ZNF616: variants seen among roughly 807,000 people sequenced by gnomAD.
ZNF616 encodes the protein zinc finger protein 616.
ZNF616 carries 5 observed loss-of-function variants against 7.6 expected under a neutral mutation model. The ratio of observed to expected loss-of-function variants is 0.66; its 90% confidence interval spans 0.34 to 1.38. The LOEUF (loss-of-function observed/expected upper bound fraction) is 1.38, where lower values mean the gene tolerates loss of function less well. ZNF616 is among the 40% of genes most tolerant of loss of function. The probability of loss-of-function intolerance (pLI) is 0.04; values close to 1 mark genes in which losing one functional copy is unlikely to be tolerated. For synonymous variants in ZNF616, 319 were observed against 317.2 expected (o/e 1.01, Z -0.06); for missense variants, 913 against 948.3 (o/e 0.96, Z 0.49).
chr19:52,136,763 AT>A (rs1397410546), intron 1 of ZNF616, among the ~76,000 whole-genome samples: 7 of 152,268 alleles, frequency 4.6e-5, no homozygotes, highest in Non-Finnish European at 1.0e-4. Flanking sequence ...TCCAATCAGT[AT>A]GTTTAAGAGA....
intron 1 of ZNF616, among the ~76,000 whole-genome samples, chr19:52,134,650 G>T (rs149059448): frequency 1.4e-3 from 208 of 152,306 alleles, no homozygotes; most frequent in African/African-American, 4.5e-3. Context: ...GTCTGCTGGA[G>T]AATTTTTTAG....
chr19:52,121,456 T>A (rs568949332), intron 3 of ZNF616, among the ~76,000 whole-genome samples: 1 of 152,276 alleles, frequency 6.6e-6, no homozygotes, highest in Non-Finnish European at 1.5e-5. Flanking sequence ...AGGGAAATGA[T>A]AAAATATCTC....
intron 1 of ZNF616, among the ~76,000 whole-genome samples, chr19:52,135,676 T>C (rs530557417): frequency 6.6e-6 from 1 of 150,584 alleles, no homozygotes; most frequent in South Asian, 2.2e-4. Context: ...CCTTGAACAA[T>C]ACAGCTTTGG....
chr19:52,115,954 T>A lies in ZNF616; in HGVS notation c.1210A>T (p.Thr404Ser). The A allele has an allele frequency of 6.2e-7, 1 of 1,614,202 alleles. No individual in the cohort carries two copies. The highest frequency in any genetic ancestry group is 2.2e-5 in the East Asian group (1 of 44,886). ...TTGCATTTGCAAGGTTTCTCTACAG[T>A]GTGAATTCGTCGATGCACTGCAAGA... The part of the protein sequence containing the change: ...SSLAVHRRIH[T>S]VEKPCKCNEC... The change falls in exon 4 of 4, where the codon ACT becomes TCT. Residue 404 changes from threonine (T) to serine (S), a missense_variant. Coordinates refer to ENST00000600228, the MANE Select transcript of ZNF616 (RefSeq NM_178523.5).
chr19:52,130,795 A>T (rs934452645), intron 1 of ZNF616, among the ~76,000 whole-genome samples: 1 of 152,230 alleles, frequency 6.6e-6, no homozygotes, highest in Non-Finnish European at 1.5e-5. Flanking sequence ...AGAAGCCCAC[A>T]CACAGGCTGC....
chr19:52,136,308 C>A (rs575196908), intron 1 of ZNF616, among the ~76,000 whole-genome samples: 1 of 152,120 alleles, frequency 6.6e-6, no homozygotes, highest in South Asian at 2.1e-4. Context: ...TGGTGAAACC[C>A]CCGTCTCTAC....
intron 1 of ZNF616, chr19:52,138,376 A>G (rs574712967): frequency 6.6e-6 from 1 of 152,314 alleles, no homozygotes; most frequent in Admixed American, 6.5e-5. Context: ...CATCCTCATG[A>G]GTACAATTTA....
At chr19:52,128,966 T>C (rs2088933993) in intron 2 of ZNF616, among the ~76,000 whole-genome samples, 1 of 151,800 alleles carries the variant, frequency 6.6e-6, no homozygotes, top group Admixed American at 6.6e-5. Context: ...AGCATGAATT[T>C]CATATATAAT....
chr19:52,114,733 A>C lies in ZNF616; in HGVS notation c.*85T>G. 1 of 1,459,830 alleles carries C rather than the reference A, an allele frequency of 6.9e-7. No homozygotes were observed. The highest frequency in any genetic ancestry group is 9.2e-7 in the Non-Finnish European group (1 of 1,090,812). The allele number at this position is 1,459,830 out of a possible 1,614,324, so 90.4% of individuals were successfully genotyped here. A position where few individuals can be genotyped will look rare whatever the true frequency, so the allele number is the denominator to read the frequency against. Reference sequence around the variant, plus strand: ...CTCCAATACTGGAGATTACAATTCCACAGGGATTTCAAGAGAAGGGGTAAA... The same window carrying C: ...CTCCAATACTGGAGATTACAATTCCCCAGGGATTTCAAGAGAAGGGGTAAA... On this transcript the variant is annotated 3_prime_UTR_variant, in exon 4 of 4. Coordinates refer to ENST00000600228, the MANE Select transcript of ZNF616 (RefSeq NM_178523.5).
At position 52,113,773 on chromosome 19, in the gene ZNF616, C is replaced by T. The variant is rs1445154206; in HGVS notation, c.*1045G>A. ...TAATGGCTTCCAGCTCCATCCACAT[C>T]GCTGCAATGGACATGATCTCATTCC... On this transcript the variant is annotated 3_prime_UTR_variant, in exon 4 of 4. Coordinates refer to ENST00000600228, the MANE Select transcript of ZNF616 (RefSeq NM_178523.5). The T allele has an allele frequency of 7.2e-5, 11 of 152,234 alleles. No homozygotes were observed. The South Asian group carries it at 1.9e-3, about 26-fold the overall frequency. The allele number at this position is 152,234 out of a possible 1,614,324, so 9.4% of individuals were successfully genotyped here.
chr19:52,127,457 ATTATG>A (rs1464080510), intron 2 of ZNF616, among the ~76,000 whole-genome samples: 1 of 152,232 alleles, frequency 6.6e-6, no homozygotes, highest in Non-Finnish European at 1.5e-5. Flanking sequence ...TTGTGAACCT[ATTATG>A]TTATTTATAA....
rs368984649 is a variant in ZNF616, at chr19:52,114,852, C to T, written c.2312G>A (p.Ser771Asn). The change falls in exon 4 of 4, where the codon AGC becomes AAC. Residue 771 changes from serine to asparagine, a missense_variant. Transcript: ENST00000600228. ...TKHRIRHTGE[S>N]LTTKLNVTRP ...TGTCACATTGAGTTTAGTTGTAAGGCTCTCTCCAGTATGTCTTATTCGATG... is the reference window on the plus strand; with the variant it reads ...TGTCACATTGAGTTTAGTTGTAAGGTTCTCTCCAGTATGTCTTATTCGATG... 15 of 1,599,078 alleles carry T rather than the reference C, an allele frequency of 9.4e-6. No individual in the cohort carries two copies. Among genetic ancestry groups the T allele is most frequent in the African/African-American group, 2.7e-5 (2 of 74,328 alleles).
At chr19:52,121,256 T>C (rs1317190359) in intron 3 of ZNF616, among the ~76,000 whole-genome samples, 1 of 152,228 alleles carries the variant, frequency 6.6e-6, no homozygotes, top group Non-Finnish European at 1.5e-5. Context: ...GGTTTCGCCA[T>C]GTTGGCCAGG....
intron 3 of ZNF616, among the ~76,000 whole-genome samples, chr19:52,120,353 A>G (rs936460257): frequency 6.6e-6 from 1 of 152,254 alleles, no homozygotes; most frequent in Admixed American, 6.5e-5. Context: ...AAGTATGTCA[A>G]GACAAAAGAA....
intron 1 of ZNF616, among the ~76,000 whole-genome samples, chr19:52,133,822 G>C (rs760230599): frequency 6.6e-6 from 1 of 151,958 alleles, no homozygotes; most frequent in Non-Finnish European, 1.5e-5. Context: ...CCCATCACCC[G>C]GGTATTAAGC....
chr19:52,139,088 C>T lies in ZNF616; in HGVS notation c.-77+644G>A, dbSNP rs1019476400. On this transcript the variant is annotated intron_variant, in intron 1 of 3. Coordinates refer to ENST00000600228, the MANE Select transcript of ZNF616 (RefSeq NM_178523.5). This position sits in a 1 kb window ranked among gnomAD's most constrained non-coding sequence, Gnocchi z 4.1. Reference sequence around the variant, plus strand: ...TCTTTGCCAGTACCTAAATTATCATCCATTTTGCCGTGTACTCATTCTTTT... The same window carrying T: ...TCTTTGCCAGTACCTAAATTATCATTCATTTTGCCGTGTACTCATTCTTTT... Among the ~76,000 whole-genome samples, 2 of 152,160 alleles carry T rather than the reference C, an allele frequency of 1.3e-5. No individual in the cohort carries two copies. Among genetic ancestry groups the T allele is most frequent in the Non-Finnish European group, 2.9e-5 (2 of 68,042 alleles).
intron 2 of ZNF616, among the ~76,000 whole-genome samples, chr19:52,127,715 C>T (rs974015308): frequency 1.3e-5 from 2 of 152,156 alleles, no homozygotes; most frequent in Non-Finnish European, 2.9e-5. Flanking sequence ...AACCCTCAAA[C>T]ACCTGTGGTG....
rs374789086 is a variant in ZNF616, at chr19:52,114,678, A to G, written c.*140T>C. 1.0e-5 allele frequency: 10 copies of G among 999,820 alleles called. No individual in the cohort carries two copies. The East Asian group carries it at 1.0e-4, about 10-fold the overall frequency. 61.9% of individuals were successfully genotyped at this position (999,820 alleles called of 1,614,324 possible). A position where few individuals can be genotyped will look rare whatever the true frequency, so the allele number is the denominator to read the frequency against. ...TTCTCAGTTTGAGAAATCCACTTCC[A>G]TGATTCAATCACCTCCCAATGGGCC... On this transcript the variant is annotated 3_prime_UTR_variant, in exon 4 of 4. Transcript: ENST00000600228.
chr19:52,124,212 A>T (rs1319627010), intron 2 of ZNF616, among the ~76,000 whole-genome samples, 163 bp from the exon 3 acceptor site: 1 of 152,266 alleles, frequency 6.6e-6, no homozygotes, highest in Non-Finnish European at 1.5e-5. Flanking sequence ...GTTATAAAAT[A>T]CAATAGGAGA....
Sources: gnomAD v4.1 joint callset for allele counts (sites outside exome capture counted in the v4.1 genomes callset) on GRCh38, gnomAD v4.1.1 for gene constraint, Gnocchi (gnomAD v3.1) non-coding constraint, MANE v1.5 for transcripts, NCBI Gene and HGNC (gene_info 2026-07-23, HGNC 2026-07-21) for gene names.